Variants in GFOD1 observed in about 807,000 individuals in gnomAD.
GFOD1 encodes the protein glucose-fructose oxidoreductase domain-containing protein 1.
A neutral mutation model predicts 25.4 loss-of-function variants in GFOD1; 9 were observed. That is an observed-to-expected ratio of 0.35 (90% CI 0.21 to 0.62). The LOEUF (loss-of-function observed/expected upper bound fraction) is 0.62. GFOD1 is among the 20% of genes least tolerant of loss of function. GFOD1 has a pLI of 0.72. For synonymous variants in GFOD1, 253 were observed against 245.6 expected, an observed-to-expected ratio of 1.03 and a Z score of -0.28; for missense variants, 403 against 556.9, an observed-to-expected ratio of 0.72 and a Z score of 2.78.
intron 1 of GFOD1, among the ~76,000 whole-genome samples, chr6:13,393,823 A>G (rs999370381): frequency 5.7e-5 from 7 of 122,294 alleles, no homozygotes; most frequent in African/African-American, 2.2e-4. Context: ...TCTGCCGCCC[A>G]GGCTGGAGTA....
chr6:13,374,307 T>TG (rs1785213079), intron 1 of GFOD1, among the ~76,000 whole-genome samples: 2 of 72,652 alleles, frequency 2.8e-5, no homozygotes, highest in Admixed American at 1.6e-4. Flanking sequence ...GTGTGTGTGT[T>TG]TGTTTTTTTT....
In GFOD1 at chr6:13,390,547, G is replaced by A. The variant is rs1224221009; in HGVS notation, c.254-24885C>T. Among the ~76,000 whole-genome samples the A allele has an allele frequency of 9.9e-5, 15 of 151,930 alleles. 1 individual carries two copies. The highest frequency in any genetic ancestry group is 1.3e-4 in the Non-Finnish European group (9 of 67,986). ...TTGAGACCAACCTGGGCAACACAGC[G>A]AAACCTCATCTCTACCAAAAAATTA... is the stretch of plus-strand genomic sequence containing the variant. On this transcript the variant is annotated intron_variant, in intron 1 of 1. Coordinates refer to ENST00000379287, the MANE Select transcript of GFOD1 (RefSeq NM_018988.4).
At chr6:13,454,266 C>T (rs1011431793) in intron 1 of GFOD1, among the ~76,000 whole-genome samples, 1 of 152,176 alleles carries the variant, frequency 6.6e-6, no homozygotes, top group African/African-American at 2.4e-5. Flanking sequence ...AGCTTCCAGC[C>T]TCCAGAACTG....
At chr6:13,418,906 A>G (rs771411762) in intron 1 of GFOD1, among the ~76,000 whole-genome samples, 17 of 152,172 alleles carry the variant, frequency 1.1e-4, no homozygotes, top group Non-Finnish European at 2.2e-4. Flanking sequence ...GAATATAATC[A>G]ATAATGCAAA....
At position 13,423,138 on chromosome 6, in the gene GFOD1, C is replaced by T. The variant is rs147002679; in HGVS notation, c.254-57476G>A. On this transcript the variant is annotated intron_variant, in intron 1 of 1. Coordinates refer to ENST00000379287, the MANE Select transcript of GFOD1 (RefSeq NM_018988.4). ...CAACCAAGTGAATGCCTTTGAAAGT[C>T]TGTCTCATTTCCAAAAGACAATAAG... is the stretch of plus-strand genomic sequence containing the variant. Among the ~76,000 whole-genome samples, 257 of 151,696 alleles carry T rather than the reference C, an allele frequency of 1.7e-3. 2 individuals carry two copies. Among genetic ancestry groups the T allele is most frequent in the African/African-American group, 6.0e-3 (247 of 41,040 alleles).
chr6:13,400,239 A>T (rs1187761324), intron 1 of GFOD1, among the ~76,000 whole-genome samples: 2 of 152,192 alleles, frequency 1.3e-5, no homozygotes, highest in African/African-American at 4.8e-5. Flanking sequence ...GATAAATGTT[A>T]AAATATCTAT....
chr6:13,479,291 T>C (rs1225060563), intron 1 of GFOD1, among the ~76,000 whole-genome samples: 1 of 152,170 alleles, frequency 6.6e-6, no homozygotes. Context: ...AGCTGCCAGG[T>C]AGGTCTTTAT....
intron 1 of GFOD1, among the ~76,000 whole-genome samples, chr6:13,477,890 C>A (rs1169311826): frequency 6.6e-6 from 1 of 151,704 alleles, no homozygotes; most frequent in Admixed American, 6.6e-5. Flanking sequence ...ACATGGCGAC[C>A]CCATCTCTAT....
At chr6:13,396,637 G>C (rs1056040658) in intron 1 of GFOD1, among the ~76,000 whole-genome samples, 2 of 152,278 alleles carry the variant, frequency 1.3e-5, no homozygotes. Flanking sequence ...AGGTGGGTGG[G>C]AGGTAAGCAC....
At chr6:13,475,553 C>CA (rs139660793) in intron 1 of GFOD1, among the ~76,000 whole-genome samples, 16,690 of 124,704 alleles carry the variant, frequency 0.13, 1,280 homozygotes, top group Middle Eastern at 0.18. Context: ...ACTAAAAATA[C>CA]AAAAAAAAAA....
intron 1 of GFOD1, among the ~76,000 whole-genome samples, chr6:13,458,175 T>C (rs1758224733): frequency 6.6e-6 from 1 of 152,176 alleles, no homozygotes; most frequent in Admixed American, 6.5e-5. Context: ...TGGAGTGCAG[T>C]GGTGCAATCT....
chr6:13,463,555 C>G (rs1174349503), intron 1 of GFOD1, among the ~76,000 whole-genome samples: 1 of 152,138 alleles, frequency 6.6e-6, no homozygotes, highest in Non-Finnish European at 1.5e-5. Context: ...GGGTGTGGGT[C>G]TTTTCTTTAA....
intron 1 of GFOD1, among the ~76,000 whole-genome samples, chr6:13,373,283 T>C (rs1202395373): frequency 6.6e-6 from 1 of 152,210 alleles, no homozygotes; most frequent in Non-Finnish European, 1.5e-5. Context: ...ACGTTTGAGC[T>C]GGGTTCTGAA....
At chr6:13,367,494 G>A (rs751369029) in intron 1 of GFOD1, among the ~76,000 whole-genome samples, 5 of 152,144 alleles carry the variant, frequency 3.3e-5, no homozygotes, top group Non-Finnish European at 7.4e-5. Context: ...TCAGGGTGGG[G>A]TATGTTGCTT....
At chr6:13,436,418 C>T (rs966520910) in intron 1 of GFOD1, among the ~76,000 whole-genome samples, 3 of 152,170 alleles carry the variant, frequency 2.0e-5, no homozygotes, top group African/African-American at 7.2e-5. Flanking sequence ...ATCTTTTAAA[C>T]ATAATTAACA....
chr6:13,365,099 G>A lies in GFOD1; in HGVS notation c.817C>T (p.Pro273Ser). The change falls in exon 2 of 2, where the codon CCG becomes TCG. Residue 273 changes from proline (P) to serine (S), a missense_variant. Physicochemically the swap from Pro to Ser is moderately conservative, Grantham distance 74. Coordinates refer to ENST00000379287, the MANE Select transcript of GFOD1 (RefSeq NM_018988.4). The surrounding 1 kb of genome is among the most constrained non-coding windows in gnomAD (Gnocchi z 9.2). ...TDLYGQRNSA[P>S]EQELLVQDAT... Reference sequence around the variant, plus strand: ...TCCTGCACCAGCAGCTCCTGCTCCGGGGCGCTGTTGCGCTGCCCGTACAGG... The same window carrying A: ...TCCTGCACCAGCAGCTCCTGCTCCGAGGCGCTGTTGCGCTGCCCGTACAGG... 3 of 1,612,484 alleles carry A rather than the reference G, an allele frequency of 1.9e-6. No homozygotes were observed. Among genetic ancestry groups the A allele is most frequent in the African/African-American group, 1.3e-5 (1 of 75,058 alleles).
chr6:13,390,782 A>T, intron 1 of GFOD1, among the ~76,000 whole-genome samples: 1 of 93,174 alleles, frequency 1.1e-5, no homozygotes, highest in African/African-American at 1.0e-4. Flanking sequence ...AGAGAGAGAA[A>T]GGAAGGAAGG....
intron 1 of GFOD1, among the ~76,000 whole-genome samples, chr6:13,451,304 C>T (rs1388524022): frequency 6.6e-6 from 1 of 152,186 alleles, no homozygotes. Flanking sequence ...CCTTCATCCA[C>T]GGCCCTCATC....
chr6:13,442,773 G>A (rs931132534), intron 1 of GFOD1, among the ~76,000 whole-genome samples: 1 of 152,128 alleles, frequency 6.6e-6, no homozygotes, highest in African/African-American at 2.4e-5. Context: ...GATTCCTCTC[G>A]AACCATTACT....
Sources: allele counts gnomAD v4.1 joint callset (sites outside exome capture counted in the v4.1 genomes callset), GRCh38; gene constraint gnomAD v4.1.1; non-coding constraint Gnocchi (gnomAD v3.1); transcripts MANE v1.5; gene names NCBI Gene and HGNC (gene_info 2026-07-23, HGNC 2026-07-21).